Variants in RDH12 observed in about 807,000 individuals in gnomAD.
RDH12 encodes the protein retinol dehydrogenase 12.
Under a neutral mutation model 34.0 loss-of-function variants are expected in RDH12, and 21 were observed. That is an observed-to-expected ratio of 0.62 (90% CI 0.44 to 0.89). RDH12 has a LOEUF of 0.89. Among genes scored for constraint, RDH12 ranks in the 40% least tolerant of loss-of-function variants. RDH12 has a pLI of 0.00. For missense variants in RDH12, 394 were observed against 398.6 expected, an observed-to-expected ratio of 0.99 and a Z score of 0.10; for synonymous variants, 198 against 169.9, an observed-to-expected ratio of 1.17 and a Z score of -1.29.
intron 2 of RDH12, among the ~76,000 whole-genome samples, chr14:67,721,525 T>C (rs931125762): frequency 2.0e-5 from 3 of 152,122 alleles, no homozygotes; most frequent in Non-Finnish European, 2.9e-5. Context: ...TTTTCTTGTA[T>C]TTCTCCTCAT....
rs1303794515 is a variant in RDH12 at position 67,733,956 on chromosome 14, G to A, written c.*108G>A. 2.6e-6 allele frequency: 2 copies of A among 764,670 alleles called. No homozygotes were observed. The highest frequency in any genetic ancestry group is 2.8e-5 in the East Asian group (1 of 35,228). 47.4% of individuals were successfully genotyped at this position (764,670 alleles called of 1,614,324 possible). ...TGTCCTCTTGGCCAGCTGGTGCTGC[G>A]AATCCTGCCTGCTCTGATCCTCTTG... On this transcript the variant is annotated 3_prime_UTR_variant, in exon 9 of 9. Coordinates refer to ENST00000551171, the MANE Select transcript of RDH12 (RefSeq NM_152443.3).
chr14:67,719,883 G>A (rs1388322705), intron 1 of RDH12, among the ~76,000 whole-genome samples: 1 of 151,980 alleles, frequency 6.6e-6, no homozygotes, highest in Non-Finnish European at 1.5e-5. Flanking sequence ...TACTATTGAT[G>A]GACATTTAGG....
intron 1 of RDH12, among the ~76,000 whole-genome samples, chr14:67,706,517 G>T (rs1456737752): frequency 6.6e-6 from 1 of 152,212 alleles, no homozygotes; most frequent in Non-Finnish European, 1.5e-5. Flanking sequence ...GGTCTGGAAA[G>T]GAGGGACAGC....
At chr14:67,726,871 T>C in intron 6 of RDH12, 110 bp from the exon 7 acceptor site, 1 of 892,468 alleles carries the variant, frequency 1.1e-6, no homozygotes. Flanking sequence ...GCATCAAAAT[T>C]GGTTCACACC....
intron 1 of RDH12, among the ~76,000 whole-genome samples, chr14:67,718,152 T>G (rs1206435971): frequency 6.6e-6 from 1 of 152,158 alleles, no homozygotes; most frequent in Non-Finnish European, 1.5e-5. Flanking sequence ...GGCAGCAAGT[T>G]CCTCATGGCT....
intron 7 of RDH12, chr14:67,728,149 G>A (rs985169244): frequency 2.0e-5 from 3 of 152,178 alleles, no homozygotes; most frequent in East Asian, 3.8e-4. Flanking sequence ...TGACATCTGC[G>A]GATCTAGGGG....
intron 1 of RDH12, chr14:67,717,971 G>A (rs1397399487): frequency 2.0e-5 from 3 of 152,220 alleles, no homozygotes; most frequent in African/African-American, 4.8e-5. Flanking sequence ...AAAAATCAAC[G>A]GAAGTTACAT....
At chr14:67,711,902 T>A (rs980180230) in intron 1 of RDH12, among the ~76,000 whole-genome samples, 6 of 152,084 alleles carry the variant, frequency 3.9e-5, no homozygotes, top group Non-Finnish European at 7.4e-5. Context: ...AGGAGACAAA[T>A]TTTATTTAGA....
rs2038183261 is a variant in RDH12 at position 67,726,163 on chromosome 14, TC to T, written c.448+9del. ...TGGGAGTCAACCACCTGGGTAAGTA[TC>T]TTTGGGTGACTAAAAAATGAGGTAC... is the stretch of plus-strand genomic sequence containing the variant. On this transcript the variant is annotated intron_variant, in intron 6 of 8. Coordinates refer to ENST00000551171, the MANE Select transcript of RDH12 (RefSeq NM_152443.3). The T allele has an allele frequency of 6.4e-7, 1 of 1,552,618 alleles. No homozygotes were observed.
Position 67,722,547 on chromosome 14 carries a change from C to G in RDH12, c.-96C>G. ...GAGAGGAGCAGAGAAGCAGCAGAAG[C>G]AGCCAAGAGCTGGAGCCAGACCAGG... On this transcript the variant is annotated 5_prime_UTR_variant, in exon 3 of 9. Transcript: ENST00000551171. 2 of 994,662 alleles carry G rather than the reference C, an allele frequency of 2.0e-6. No homozygotes were observed. The highest frequency in any genetic ancestry group is 3.3e-6 in the Non-Finnish European group (2 of 615,228). 61.6% of individuals were successfully genotyped at this position (994,662 alleles called of 1,614,324 possible).
At chr14:67,717,313 T>C (rs929206515) in intron 1 of RDH12, among the ~76,000 whole-genome samples, 1 of 152,204 alleles carries the variant, frequency 6.6e-6, no homozygotes, top group East Asian at 1.9e-4. Context: ...AGTATATGTG[T>C]ACACAGATCC....
In RDH12 at chr14:67,729,299, A is replaced by G; in HGVS notation, c.767A>G (p.Lys256Arg). Residue 256 changes from lysine to arginine, a missense_variant, in exon 8 of 9, where the codon AAG (lysine) becomes AGG (arginine). Transcript: ENST00000551171. ...LLWRLFSPFV[K>R]TAREGAQTSL... ...TGGCGGCTCTTCTCCCCCTTTGTCA[A>G]GACGGCACGGGAGGGGGCGCAGACC... 1 of 1,602,794 alleles carries G rather than the reference A, an allele frequency of 6.2e-7. No individual in the cohort carries two copies. Among genetic ancestry groups the G allele is most frequent in the Non-Finnish European group, 8.5e-7 (1 of 1,179,900 alleles).
intron 4 of RDH12, among the ~76,000 whole-genome samples, 173 bp from the exon 5 acceptor site, chr14:67,724,926 A>T (rs1240007927): frequency 6.6e-6 from 1 of 152,226 alleles, no homozygotes; most frequent in African/African-American, 2.4e-5. Flanking sequence ...AACTGACAGC[A>T]AGAAGACTGA....
intron 4 of RDH12, 122 bp downstream of exon 4, chr14:67,724,713 G>C (rs534177478): frequency 1.3e-6 from 1 of 799,072 alleles, no homozygotes; most frequent in African/African-American, 1.7e-5. Flanking sequence ...GAAATTCAAG[G>C]AACCTGGGAT....
Position 67,702,605 on chromosome 14 carries a change from A to C in RDH12, c.-275+670A>C, listed in dbSNP as rs1036168526. Among the ~76,000 whole-genome samples the C allele has an allele frequency of 3.9e-5, 6 of 152,224 alleles. 1 individual carries two copies. The highest frequency in any genetic ancestry group is 8.8e-5 in the Non-Finnish European group (6 of 68,040). Reference sequence around the variant, plus strand: ...TTGAAGACATTTTAATATTTATTTTACTAATAATTTTAAAGCCAGTTTATT... The same window carrying C: ...TTGAAGACATTTTAATATTTATTTTCCTAATAATTTTAAAGCCAGTTTATT... On this transcript the variant is annotated intron_variant, in intron 1 of 8. Transcript: ENST00000551171.
intron 6 of RDH12, 64 bp downstream of exon 6, chr14:67,726,219 A>G: frequency 1.0e-6 from 1 of 978,650 alleles, no homozygotes. Context: ...GGAAGATGAC[A>G]CTGTGTAAAT....
intron 8 of RDH12, among the ~76,000 whole-genome samples, chr14:67,732,857 A>T (rs2038300742): frequency 6.6e-6 from 1 of 152,196 alleles, no homozygotes; most frequent in African/African-American, 2.4e-5. Flanking sequence ...CTGGGATTAC[A>T]GGTGTGAGCC....
chr14:67,710,366 TTAATAA>T (rs1240372041), intron 1 of RDH12, among the ~76,000 whole-genome samples: 1 of 152,340 alleles, frequency 6.6e-6, no homozygotes, highest in Non-Finnish European at 1.5e-5. Flanking sequence ...AAACCAAAAC[TTAATAA>T]TAATATGACA....
At chr14:67,722,921 C>T (rs1447653498) in intron 3 of RDH12, among the ~76,000 whole-genome samples, 1 of 152,196 alleles carries the variant, frequency 6.6e-6, no homozygotes, top group Non-Finnish European at 1.5e-5. Flanking sequence ...TGAGTTCTGG[C>T]CCCACCTGAG....
Sources: gnomAD v4.1 joint callset for allele counts (sites outside exome capture counted in the v4.1 genomes callset) on GRCh38, gnomAD v4.1.1 for gene constraint, MANE v1.5 for transcripts, NCBI Gene and HGNC (gene_info 2026-07-23, HGNC 2026-07-21) for gene names.